Variants in KAZN observed in about 807,000 individuals in gnomAD.
KAZN encodes kazrin, periplakin interacting protein.
KAZN carries 40 observed loss-of-function variants against 87.4 expected under a neutral mutation model. The ratio of observed to expected loss-of-function variants is 0.46; its 90% CI spans 0.36 to 0.60. The LOEUF is 0.60. Ranked by LOEUF, KAZN falls within the 20% of genes least tolerant of loss-of-function variation. The pLI is 0.00. For synonymous variants in KAZN, 466 were observed against 458.3 expected (o/e 1.02, Z -0.22); for missense variants, 898 against 1,073.9 (o/e 0.84, Z 2.29).
At chr1:13,921,800 G>A (rs1640078601) in intron 1 of KAZN, among the ~76,000 whole-genome samples, 1 of 151,740 alleles carries the variant, frequency 6.6e-6, no homozygotes, top group Non-Finnish European at 1.5e-5. Flanking sequence ...CCTGGCTAAT[G>A]TTTTGTATTT....
At chr1:13,979,984 A>G (rs552428284) in intron 1 of KAZN, among the ~76,000 whole-genome samples, 2 of 152,206 alleles carry the variant, frequency 1.3e-5, no homozygotes, top group South Asian at 4.1e-4. Context: ...TAAAATACAT[A>G]TAAAAATAGC....
intron 13 of KAZN, among the ~76,000 whole-genome samples, chr1:15,106,889 A>G (rs1399032494): frequency 2.0e-5 from 3 of 152,184 alleles, no homozygotes; most frequent in Non-Finnish European, 4.4e-5. Flanking sequence ...GGACCTGGAG[A>G]ATAAAACCAG....
chr1:14,751,072 G>C (rs1644401808), intron 1 of KAZN, among the ~76,000 whole-genome samples: 1 of 152,208 alleles, frequency 6.6e-6, no homozygotes, highest in Admixed American at 6.5e-5. Context: ...GAGGAGATGT[G>C]AAGCTTTGAG....
In KAZN at chr1:14,798,854, G is replaced by A. The variant is rs185789542; in HGVS notation, c.227-161830G>A. 1.7e-3 allele frequency among the ~76,000 whole-genome samples: 254 copies of A among 150,946 alleles called. 2 individuals carry two copies. The highest frequency in any genetic ancestry group is 5.8e-3 in the African/African-American group (238 of 41,084). ...CGGCTCACTGCAGCCTCTGCCTCCC[G>A]GGCTCAAGCCATCCTCCCACCTCAG... On this transcript the variant is annotated intron_variant, in intron 1 of 14. Coordinates refer to ENST00000376030, the MANE Select transcript of KAZN (RefSeq NM_201628.3).
intron 2 of KAZN, among the ~76,000 whole-genome samples, chr1:14,587,857 GA>G (rs1322498119): frequency 6.6e-6 from 1 of 151,944 alleles, no homozygotes; most frequent in Non-Finnish European, 1.5e-5. Context: ...CACCTCCCCA[GA>G]AAAAAAGATG....
chr1:14,450,433 AC>A (rs1358925404), intron 2 of KAZN, among the ~76,000 whole-genome samples: 20 of 152,160 alleles, frequency 1.3e-4, no homozygotes, highest in Non-Finnish European at 1.5e-4. Context: ...TACTAAAAAT[AC>A]AAAAAATTAG....
At chr1:14,149,094 T>TC (rs1260449131) in intron 1 of KAZN, among the ~76,000 whole-genome samples, 2,016 of 90,228 alleles carry the variant, frequency 0.022, 145 homozygotes, top group African/African-American at 0.067. Context: ...TTCCTTCCTT[T>TC]CTTTCTTTCC....
chr1:14,183,181 C>T (rs16853736), intron 2 of KAZN, among the ~76,000 whole-genome samples: 3,105 of 152,228 alleles, frequency 0.02, 103 homozygotes, highest in African/African-American at 0.07. Flanking sequence ...CTTAGGAGAA[C>T]GTCAAAGGCA....
intron 1 of KAZN, among the ~76,000 whole-genome samples, chr1:14,879,374 A>T (rs1306506179): frequency 6.6e-6 from 1 of 152,238 alleles, no homozygotes; most frequent in Non-Finnish European, 1.5e-5. Flanking sequence ...GTTATTAATG[A>T]TTACATATAT....
intron 1 of KAZN, among the ~76,000 whole-genome samples, chr1:13,984,975 A>C (rs12128425): frequency 0.14 from 21,461 of 152,110 alleles, 1,650 homozygotes; most frequent in Middle Eastern, 0.2. Flanking sequence ...TGGGTATGGA[A>C]AAATAAACAC....
chr1:13,909,919 G>A (rs1230958515), intron 1 of KAZN, among the ~76,000 whole-genome samples: 1 of 152,142 alleles, frequency 6.6e-6, no homozygotes, highest in African/African-American at 2.4e-5. Flanking sequence ...TGGAGGCCTC[G>A]TTTAAACCCA....
chr1:14,676,789 G>T (rs1291100225), intron 1 of KAZN, among the ~76,000 whole-genome samples: 1 of 152,198 alleles, frequency 6.6e-6, no homozygotes, highest in African/African-American at 2.4e-5. Context: ...GGTGCCAGGA[G>T]CTATGGGGAG....
intron 1 of KAZN, among the ~76,000 whole-genome samples, chr1:14,645,752 C>T (rs147628006): frequency 1.5e-4 from 23 of 152,236 alleles, no homozygotes; most frequent in African/African-American, 4.6e-4. Context: ...TTCTCTTGCC[C>T]GATTGCTTTG....
chr1:14,291,346 C>G (rs980184295), intron 2 of KAZN, among the ~76,000 whole-genome samples: 1 of 152,188 alleles, frequency 6.6e-6, no homozygotes, highest in East Asian at 1.9e-4. Context: ...CCATCCAGTT[C>G]GAGCTTCCCT....
intron 1 of KAZN, among the ~76,000 whole-genome samples, chr1:14,082,796 C>T (rs866552865): frequency 2.0e-5 from 3 of 152,142 alleles, no homozygotes; most frequent in Non-Finnish European, 2.9e-5. Flanking sequence ...AGTAGAAATC[C>T]GATCTGGTCA....
intron 1 of KAZN, among the ~76,000 whole-genome samples, chr1:14,879,459 T>C (rs974594705): frequency 1.3e-5 from 2 of 152,174 alleles, no homozygotes; most frequent in African/African-American, 4.8e-5. Context: ...CAGGAGTAAA[T>C]AGTTCTAAGA....
chr1:14,316,117 T>A (rs1655642218), intron 2 of KAZN, among the ~76,000 whole-genome samples: 2 of 152,044 alleles, frequency 1.3e-5, no homozygotes, highest in Non-Finnish European at 2.9e-5. Context: ...CATCCCTTTG[T>A]GGTTTTCATT....
chr1:14,613,581 C>T (rs2148625466), intron 1 of KAZN, among the ~76,000 whole-genome samples: 1 of 152,260 alleles, frequency 6.6e-6, no homozygotes, highest in South Asian at 2.1e-4. Flanking sequence ...TACATAAATG[C>T]AAAAGATTAC....
intron 1 of KAZN, among the ~76,000 whole-genome samples, chr1:14,721,670 T>C (rs1468105606): frequency 2.0e-5 from 3 of 152,240 alleles, no homozygotes; most frequent in African/African-American, 7.2e-5. Flanking sequence ...TCTTTTCAGA[T>C]TTCCAACACA....
Sources: gnomAD v4.1 joint callset for allele counts (sites outside exome capture counted in the v4.1 genomes callset) on GRCh38, gnomAD v4.1.1 for gene constraint, MANE v1.5 for transcripts, NCBI Gene and HGNC (gene_info 2026-07-23, HGNC 2026-07-21) for gene names.